The following CSNK1G3 variants were observed in gnomAD, a reference collection of about 807,000 sequenced individuals.
CSNK1G3 encodes casein kinase I isoform gamma-3.
Under a neutral mutation model 64.3 loss-of-function variants are expected in CSNK1G3, and 23 were observed. The observed-to-expected ratio is 0.36, with a 90% CI of 0.26 to 0.51. CSNK1G3 has a LOEUF of 0.51. Ranked by LOEUF, CSNK1G3 falls within the 20% of genes least tolerant of loss-of-function variation. CSNK1G3 has a pLI of 0.96. For synonymous variants in CSNK1G3, 158 were observed against 162.2 expected, an observed-to-expected ratio of 0.97 and a Z score of 0.20; for missense variants, 357 against 510.5, an observed-to-expected ratio of 0.70 and a Z score of 2.90.
chr5:123,518,505 C>G (rs561999683), intron 1 of CSNK1G3, among the ~76,000 whole-genome samples: 49 of 152,312 alleles, frequency 3.2e-4, no homozygotes, highest in African/African-American at 1.2e-3. Flanking sequence ...AAGATCACAT[C>G]TAGACATGCA....
exon 2 of CSNK1G3, chr5:123,545,439 A>G (rs1782368397): frequency 2.4e-6 from 1 of 410,434 alleles, no homozygotes; most frequent in Admixed American, 3.8e-5. Flanking sequence ...ATCAGCTCAC[A>G]TCATTGAAAA....
chr5:123,592,268 T>G (rs1792511433), intron 10 of CSNK1G3, among the ~76,000 whole-genome samples: 1 of 151,682 alleles, frequency 6.6e-6, no homozygotes, highest in Non-Finnish European at 1.5e-5. Flanking sequence ...AAATAGAGAA[T>G]TTGAGGAATA....
chr5:123,595,270 T>C (rs548995481), intron 10 of CSNK1G3, 136 bp downstream of exon 11: 14 of 782,862 alleles, frequency 1.8e-5, no homozygotes, highest in Non-Finnish European at 2.8e-5. Flanking sequence ...TTCTATTCCT[T>C]TGTTATTTAA....
chr5:123,537,509 T>C (rs1781033949), intron 1 of CSNK1G3, among the ~76,000 whole-genome samples: 1 of 152,108 alleles, frequency 6.6e-6, no homozygotes, highest in Admixed American at 6.6e-5. Flanking sequence ...GTAAAAGCCC[T>C]GAGGTTGACC....
chr5:123,587,370 G>C (rs1791523758), intron 6 of CSNK1G3, among the ~76,000 whole-genome samples: 1 of 152,170 alleles, frequency 6.6e-6, no homozygotes. Context: ...TAACTTCAGT[G>C]ACAGAAAAAT....
chr5:123,608,351 T>C (rs1795728221), intron 12 of CSNK1G3, among the ~76,000 whole-genome samples: 1 of 152,152 alleles, frequency 6.6e-6, no homozygotes, highest in Non-Finnish European at 1.5e-5. Flanking sequence ...TACTCTATTC[T>C]CCCATATGGA....
chr5:123,559,310 G>C (rs1305053125), intron 4 of CSNK1G3, among the ~76,000 whole-genome samples: 1 of 152,132 alleles, frequency 6.6e-6, no homozygotes, highest in East Asian at 1.9e-4. Flanking sequence ...TGGAAGAATA[G>C]GATTGAGTGG....
At chr5:123,588,546 A>T (rs2150950755) in intron 8 of CSNK1G3, 35 bp downstream of exon 8, 1 of 1,232,752 alleles carries the variant, frequency 8.1e-7, no homozygotes, top group East Asian at 2.3e-5. Context: ...CATTATATAC[A>T]GAAAACTAGA....
chr5:123,512,310 G>T (rs562387603), exon 1 of CSNK1G3: 18 of 153,152 alleles, frequency 1.2e-4, no homozygotes, highest in Non-Finnish European at 2.3e-4. Flanking sequence ...CTCGGGCGGC[G>T]ACTCTCCGGC....
chr5:123,570,870 A>G (rs761883752), intron 4 of CSNK1G3, among the ~76,000 whole-genome samples: 1 of 152,174 alleles, frequency 6.6e-6, no homozygotes, highest in Non-Finnish European at 1.5e-5. Flanking sequence ...GAATTTTCAA[A>G]GCTTAGTAGC....
At chr5:123,585,569 A>G (rs978684512) in intron 6 of CSNK1G3, among the ~76,000 whole-genome samples, 1 of 152,242 alleles carries the variant, frequency 6.6e-6, no homozygotes, top group Non-Finnish European at 1.5e-5. Context: ...TTGGCAAAAC[A>G]TATCTGAAAA....
At chr5:123,589,981 C>A (rs1235529954) in intron 8 of CSNK1G3, among the ~76,000 whole-genome samples, 1 of 152,002 alleles carries the variant, frequency 6.6e-6, no homozygotes, top group Non-Finnish European at 1.5e-5. Context: ...TAAAGGAAAT[C>A]CAGCAAGCCA....
chr5:123,610,130 A>C (rs1796062997), intron 12 of CSNK1G3, among the ~76,000 whole-genome samples: 1 of 152,148 alleles, frequency 6.6e-6, no homozygotes, highest in Non-Finnish European at 1.5e-5. Context: ...ATGGGCCTGC[A>C]GGCTTTTGGT....
intron 1 of CSNK1G3, among the ~76,000 whole-genome samples, chr5:123,530,831 T>A (rs1165869023): frequency 6.6e-6 from 1 of 152,188 alleles, no homozygotes; most frequent in East Asian, 1.9e-4. Context: ...TTGATATCCA[T>A]TTTTGACATT....
chr5:123,596,208 C>T (rs1276564669), intron 10 of CSNK1G3, among the ~76,000 whole-genome samples: 1 of 151,722 alleles, frequency 6.6e-6, no homozygotes, highest in African/African-American at 2.4e-5. Context: ...TAGAATTTTG[C>T]AGTTTATGGA....
intron 1 of CSNK1G3, among the ~76,000 whole-genome samples, chr5:123,521,343 G>A (rs903743296): frequency 1.3e-5 from 2 of 152,010 alleles, no homozygotes; most frequent in Non-Finnish European, 2.9e-5. Flanking sequence ...TGTCATACGA[G>A]TATCAGGATA....
intron 1 of CSNK1G3, among the ~76,000 whole-genome samples, chr5:123,523,799 G>A (rs1778558037): frequency 6.6e-6 from 1 of 152,140 alleles, no homozygotes; most frequent in Non-Finnish European, 1.5e-5. Context: ...GGTACAAATT[G>A]ATTTTTTCAC....
At chr5:123,535,239 T>C (rs765803862) in intron 1 of CSNK1G3, among the ~76,000 whole-genome samples, 1 of 152,118 alleles carries the variant, frequency 6.6e-6, no homozygotes, top group Non-Finnish European at 1.5e-5. Context: ...GTAAACAAAT[T>C]AGCGTGGATT....
At chr5:123,539,920 CCTAAAGTTA>C (rs1781417009) in intron 1 of CSNK1G3, among the ~76,000 whole-genome samples, 1 of 151,986 alleles carries the variant, frequency 6.6e-6, no homozygotes, top group East Asian at 1.9e-4. Context: ...AATTTATTGG[CCTAAAGTTA>C]CTCATAGTCC....
Sources: gnomAD v4.1 joint callset for allele counts (sites outside exome capture counted in the v4.1 genomes callset) on GRCh38, gnomAD v4.1.1 for gene constraint, MANE v1.5 for transcripts, NCBI Gene and HGNC (gene_info 2026-07-23, HGNC 2026-07-21) for gene names.